The following GALNT13 variants were observed in gnomAD, a reference collection of about 807,000 sequenced individuals.
GALNT13 encodes the protein polypeptide N-acetylgalactosaminyltransferase 13.
GALNT13 carries 28 observed loss-of-function variants against 64.2 expected under a neutral mutation model. That is an observed-to-expected ratio of 0.44 (90% confidence interval 0.32 to 0.60). The LOEUF is 0.60. Ranked by LOEUF, GALNT13 falls within the 20% of genes least tolerant of loss-of-function variation. The pLI, the probability that GALNT13 is intolerant of heterozygous loss-of-function variation, is 0.05. For missense variants in GALNT13, 577 were observed against 669.8 expected, an observed-to-expected ratio of 0.86 and a Z score of 1.53; for synonymous variants, 214 against 224.6, an observed-to-expected ratio of 0.95 and a Z score of 0.42.
At chr2:154,340,598 C>T (rs771900353) in intron 9 of GALNT13, among the ~76,000 whole-genome samples, 5 of 151,938 alleles carry the variant, frequency 3.3e-5, no homozygotes, top group Non-Finnish European at 5.9e-5. Flanking sequence ...TCTCTTCTTC[C>T]TTTTCTTCCA....
the GALNT13 span, among the ~76,000 whole-genome samples, chr2:153,369,302 A>G: frequency 6.6e-6 from 1 of 152,122 alleles, no homozygotes; most frequent in Non-Finnish European, 1.5e-5. Flanking sequence ...AATAATAAAT[A>G]TAAAATCGTA....
chr2:153,510,684 G>T, the GALNT13 span, among the ~76,000 whole-genome samples: 3 of 152,080 alleles, frequency 2.0e-5, no homozygotes, highest in Non-Finnish European at 4.4e-5. Context: ...ATATGTTGAG[G>T]CCTGGGCTCT....
Position 154,012,118 on chromosome 2 carries a change from G to A in GALNT13, c.142+67479G>A, listed in dbSNP as rs997545044. 2.6e-5 allele frequency among the ~76,000 whole-genome samples: 4 copies of A among 152,116 alleles called. No homozygotes were observed. The East Asian group carries it at 7.7e-4, about 29-fold the overall frequency. ...ATTTGATTCTGTCATCATGTTGTTA[G>A]CTTAGTATTATGCAGACTGGATTGT... is the stretch of plus-strand genomic sequence containing the variant. On this transcript the variant is annotated intron_variant, in intron 3 of 12. Coordinates refer to ENST00000392825, the MANE Select transcript of GALNT13 (RefSeq NM_052917.4).
chr2:153,645,661 T>A, the GALNT13 span, among the ~76,000 whole-genome samples: 1 of 152,144 alleles, frequency 6.6e-6, no homozygotes. Context: ...TTTTGAAATA[T>A]GTCTCAAGAG....
the GALNT13 span, among the ~76,000 whole-genome samples, chr2:153,859,394 T>C: frequency 6.6e-6 from 1 of 152,178 alleles, no homozygotes; most frequent in Non-Finnish European, 1.5e-5. Context: ...CCTAACCCTT[T>C]TGACTGCTCT....
intron 8 of GALNT13, among the ~76,000 whole-genome samples, chr2:154,292,148 T>C (rs1266735677): frequency 1.3e-5 from 2 of 152,180 alleles, no homozygotes; most frequent in African/African-American, 2.4e-5. Context: ...CTCAGTAGTC[T>C]GGCATGTACG....
At chr2:153,732,664 T>A in the GALNT13 span, among the ~76,000 whole-genome samples, 5 of 152,064 alleles carry the variant, frequency 3.3e-5, no homozygotes, top group South Asian at 2.1e-4. Flanking sequence ...AACATATTCA[T>A]GTAAGTTGAA....
chr2:153,125,634 A>G, the GALNT13 span, among the ~76,000 whole-genome samples: 1 of 152,210 alleles, frequency 6.6e-6, no homozygotes, highest in Admixed American at 6.5e-5. Flanking sequence ...AGGAGCTTTT[A>G]TATTTATATA....
At chr2:153,129,327 T>C in the GALNT13 span, among the ~76,000 whole-genome samples, 1 of 152,198 alleles carries the variant, frequency 6.6e-6, no homozygotes, top group Admixed American at 6.5e-5. Flanking sequence ...GCTTAGGTGC[T>C]TTCTCTGGCA....
the GALNT13 span, among the ~76,000 whole-genome samples, chr2:153,353,543 G>A: frequency 1.3e-5 from 2 of 151,898 alleles, no homozygotes; most frequent in African/African-American, 4.8e-5. Context: ...TAGTGGTAAA[G>A]CTTTGAGTTT....
At chr2:154,144,408 T>C (rs936198951) in intron 4 of GALNT13, among the ~76,000 whole-genome samples, 1 of 152,184 alleles carries the variant, frequency 6.6e-6, no homozygotes, top group African/African-American at 2.4e-5. Flanking sequence ...TGGATAATTA[T>C]ATCTTAAAAA....
intron 3 of GALNT13, among the ~76,000 whole-genome samples, chr2:154,092,056 A>G (rs1453749112): frequency 1.4e-5 from 2 of 139,464 alleles, no homozygotes; most frequent in African/African-American, 5.4e-5. Flanking sequence ...CAGCAGAGGC[A>G]TTTCATGCTT....
the GALNT13 span, among the ~76,000 whole-genome samples, chr2:153,185,104 A>G: frequency 6.6e-6 from 1 of 152,020 alleles, no homozygotes; most frequent in Admixed American, 6.6e-5. Flanking sequence ...GCTTTTTTCG[A>G]TTGGTAGGCT....
At chr2:153,324,169 T>C in the GALNT13 span, among the ~76,000 whole-genome samples, 1 of 152,206 alleles carries the variant, frequency 6.6e-6, no homozygotes, top group East Asian at 1.9e-4. Flanking sequence ...CTAACTTCCT[T>C]GAGCATTGCT....
At chr2:153,316,369 A>C in the GALNT13 span, among the ~76,000 whole-genome samples, 1 of 152,098 alleles carries the variant, frequency 6.6e-6, no homozygotes, top group Non-Finnish European at 1.5e-5. Flanking sequence ...CAGGCCTGGC[A>C]TGGTGGCTCA....
the GALNT13 span, among the ~76,000 whole-genome samples, chr2:153,390,584 G>T: frequency 5.3e-5 from 8 of 152,010 alleles, no homozygotes; most frequent in East Asian, 1.5e-3. Context: ...CTAGTCAGTG[G>T]TTAGAGTTTC....
At chr2:153,384,259 G>T in the GALNT13 span, among the ~76,000 whole-genome samples, 2 of 152,014 alleles carry the variant, frequency 1.3e-5, no homozygotes, top group Non-Finnish European at 2.9e-5. Context: ...CCATGACCTA[G>T]TTACCATGAG....
chr2:153,456,904 T>C, the GALNT13 span, among the ~76,000 whole-genome samples: 14 of 152,142 alleles, frequency 9.2e-5, no homozygotes, highest in Admixed American at 3.3e-4. Context: ...TATAAGTGAA[T>C]GCAAAGGATC....
chr2:153,714,315 A>T, the GALNT13 span, among the ~76,000 whole-genome samples: 2 of 152,230 alleles, frequency 1.3e-5, no homozygotes. Flanking sequence ...TCTATGTCAA[A>T]GAGTTCTCAA....
Sources: allele counts gnomAD v4.1 joint callset (sites outside exome capture counted in the v4.1 genomes callset), GRCh38; gene constraint gnomAD v4.1.1; transcripts MANE v1.5; gene names NCBI Gene and HGNC (gene_info 2026-07-23, HGNC 2026-07-21).